Variants in COL19A1 observed in about 807,000 individuals in gnomAD.
COL19A1 encodes the protein collagen type XIX alpha 1 chain, also known as collagen alpha-1(XIX) chain.
In COL19A1, 159 loss-of-function variants were observed where a neutral mutation model predicts 190.2. The ratio of observed to expected loss-of-function variants is 0.84; its 90% CI spans 0.73 to 0.95. The LOEUF (loss-of-function observed/expected upper bound fraction) is 0.95, where lower values mean the gene tolerates loss of function less well. Ranked by LOEUF, COL19A1 falls within the 40% of genes least tolerant of loss-of-function variation. The pLI is 0.00. For missense variants in COL19A1, 1,418 were observed against 1,431.9 expected, an observed-to-expected ratio of 0.99 and a Z score of 0.16; for synonymous variants, 509 against 458.9, an observed-to-expected ratio of 1.11 and a Z score of -1.39.
intron 41 of COL19A1, 27 bp from the exon 42 acceptor site, chr6:70,176,493 A>C (rs768759286): frequency 7.5e-6 from 12 of 1,609,956 alleles, no homozygotes; most frequent in Non-Finnish European, 1.0e-5. Context: ...ATGTCATTAA[A>C]GTAGCAATGT....
intron 4 of COL19A1, among the ~76,000 whole-genome samples, chr6:69,921,516 A>G (rs1348524904): frequency 1.6e-5 from 2 of 124,602 alleles, no homozygotes; most frequent in South Asian, 2.5e-4. Flanking sequence ...ATTCATATGT[A>G]TATTCATATA....
At chr6:70,167,982 A>G in intron 37 of COL19A1, 43 bp from the exon 38 acceptor site, 1 of 1,414,124 alleles carries the variant, frequency 7.1e-7, no homozygotes, top group Non-Finnish European at 9.8e-7. Context: ...GATGCAAAGT[A>G]TTAACTTCCA....
intron 11 of COL19A1, among the ~76,000 whole-genome samples, chr6:69,990,186 A>C (rs956342176): frequency 1.3e-5 from 2 of 152,142 alleles, no homozygotes; most frequent in African/African-American, 4.8e-5. Flanking sequence ...TATATACTTC[A>C]GCTGTCTTCA....
chr6:69,984,125 ATT>A (rs1366120038), intron 11 of COL19A1, among the ~76,000 whole-genome samples: 3 of 152,148 alleles, frequency 2.0e-5, no homozygotes, highest in African/African-American at 4.8e-5. Context: ...TTAATTATTT[ATT>A]TTGATTGCTT....
chr6:70,206,870 T>C (rs752392689), intron 49 of COL19A1, 31 bp from the exon 50 acceptor site: 1 of 1,595,170 alleles, frequency 6.3e-7, no homozygotes, highest in African/African-American at 1.4e-5. Context: ...ACCCTTTTTG[T>C]GTGTCTCTTT....
At chr6:69,868,513 C>T (rs867797664) in intron 1 of COL19A1, among the ~76,000 whole-genome samples, 1 of 152,012 alleles carries the variant, frequency 6.6e-6, no homozygotes, top group Non-Finnish European at 1.5e-5. Flanking sequence ...CAGGTGCTTC[C>T]GTTAGGTTTT....
At chr6:70,046,300 G>T (rs1016639140) in intron 14 of COL19A1, among the ~76,000 whole-genome samples, 1 of 151,946 alleles carries the variant, frequency 6.6e-6, no homozygotes, top group East Asian at 1.9e-4. Context: ...CTCTTCTTGC[G>T]TGATTTACAC....
chr6:70,018,320 C>T (rs926120173), intron 11 of COL19A1, among the ~76,000 whole-genome samples: 3 of 151,974 alleles, frequency 2.0e-5, no homozygotes, highest in Non-Finnish European at 2.9e-5. Context: ...AGAGTAAAAG[C>T]AGAAGTCATA....
chr6:69,878,741 A>G (rs1183161319), intron 1 of COL19A1, among the ~76,000 whole-genome samples: 1 of 152,230 alleles, frequency 6.6e-6, no homozygotes, highest in Non-Finnish European at 1.5e-5. Context: ...ACTCAAACAG[A>G]TATTTGTATA....
chr6:70,199,136 G>C (rs1469806808), intron 48 of COL19A1, among the ~76,000 whole-genome samples: 1 of 152,178 alleles, frequency 6.6e-6, no homozygotes, highest in East Asian at 1.9e-4. Context: ...GAAATGAAAA[G>C]TCTAGCCCCC....
chr6:70,094,625 TTCTTC>T (rs1355123815), intron 15 of COL19A1, among the ~76,000 whole-genome samples: 1 of 152,186 alleles, frequency 6.6e-6, no homozygotes, highest in African/African-American at 2.4e-5. Flanking sequence ...ATTATTTGCA[TTCTTC>T]TCTTCTTAAT....
rs550817506 is a variant in COL19A1, at chr6:70,091,370, C to T, written c.1225-10799C>T. Among the ~76,000 whole-genome samples, 10 of 152,108 alleles carry T rather than the reference C, an allele frequency of 6.6e-5. 1 individual carries two copies. The South Asian group carries it at 1.0e-3, about 16-fold the overall frequency. ...TTTGGCATCTATTACTATTATTGTC[C>T]CCACTGGTATATAAGCTCTATTGAG... On this transcript the variant is annotated intron_variant, in intron 15 of 50. Coordinates refer to ENST00000620364, the MANE Select transcript of COL19A1 (RefSeq NM_001858.6).
At chr6:70,158,414 G>A (rs1787573105) in intron 34 of COL19A1, among the ~76,000 whole-genome samples, 1 of 151,992 alleles carries the variant, frequency 6.6e-6, no homozygotes, top group Non-Finnish European at 1.5e-5. Context: ...TACTCTAAGT[G>A]GAAAAGATAC....
chr6:70,104,878 G>A (rs922057662), intron 16 of COL19A1, among the ~76,000 whole-genome samples: 31 of 152,198 alleles, frequency 2.0e-4, no homozygotes, highest in African/African-American at 5.1e-4. Context: ...GGATTACACC[G>A]AATTCTGGAA....
intron 13 of COL19A1, 23 bp downstream of exon 13, chr6:70,034,321 C>A (rs143478576): frequency 1.3e-6 from 2 of 1,597,800 alleles, no homozygotes; most frequent in East Asian, 2.2e-5. Flanking sequence ...CCCAGCCAAG[C>A]CCAACCTTTC....
chr6:70,104,336 G>C lies in COL19A1; in HGVS notation c.1278+2114G>C, dbSNP rs372199287. ...CTGGGAAGGTCTCAGGAAACTTACA[G>C]TCATGGCAGAAGGGAGAAGGGGAAG... On this transcript the variant is annotated intron_variant, in intron 16 of 50. Coordinates refer to ENST00000620364, the MANE Select transcript of COL19A1 (RefSeq NM_001858.6). Among the ~76,000 whole-genome samples, 5 of 152,280 alleles carry C rather than the reference G, an allele frequency of 3.3e-5. No individual in the cohort carries two copies. In the South Asian group the frequency reaches 1.0e-3, roughly 32 times the overall value.
intron 14 of COL19A1, among the ~76,000 whole-genome samples, chr6:70,042,267 A>C (rs1467555344): frequency 2.0e-5 from 3 of 152,148 alleles, no homozygotes; most frequent in Non-Finnish European, 4.4e-5. Flanking sequence ...AGATTGCCTA[A>C]TGCAGAATAT....
rs116733751 is a variant in COL19A1 at position 70,201,063 on chromosome 6, A to C, written c.3223+1327A>C. Among the ~76,000 whole-genome samples, 1,156 of 152,316 alleles carry C rather than the reference A, an allele frequency of 7.6e-3. 18 individuals carry two copies. The highest frequency in any genetic ancestry group is 0.026 in the African/African-American group (1,068 of 41,568). ...CTTTCGCTGGTTGGGTCTATTCTGA[A>C]GTCAGAGTATATGAGACTGGCATGC... On this transcript the variant is annotated intron_variant, in intron 49 of 50. Coordinates refer to ENST00000620364, the MANE Select transcript of COL19A1 (RefSeq NM_001858.6).
intron 9 of COL19A1, among the ~76,000 whole-genome samples, chr6:69,956,100 T>C (rs1270898748): frequency 6.6e-6 from 1 of 152,000 alleles, no homozygotes; most frequent in Non-Finnish European, 1.5e-5. Flanking sequence ...CATGCACCTG[T>C]ATATACATAC....
Sources: gnomAD v4.1 joint callset for allele counts (sites outside exome capture counted in the v4.1 genomes callset) on GRCh38, gnomAD v4.1.1 for gene constraint, MANE v1.5 for transcripts, NCBI Gene and HGNC (gene_info 2026-07-23, HGNC 2026-07-21) for gene names.